TEKT1: variants seen among roughly 807,000 people sequenced by gnomAD.
TEKT1 encodes tektin 1.
Under a neutral mutation model 34.8 loss-of-function variants are expected in TEKT1, and 32 were observed. The ratio of observed to expected loss-of-function variants is 0.92; its 90% CI spans 0.69 to 1.23. The LOEUF is 1.23. TEKT1 is among the 50% of genes most tolerant of loss of function. The pLI is 0.00. For synonymous variants in TEKT1, 207 were observed against 199.8 expected (o/e 1.04, Z -0.30); for missense variants, 492 against 518.5 (o/e 0.95, Z 0.50).
chr17:6,827,877 A>G (rs1024813134), intron 2 of TEKT1, among the ~76,000 whole-genome samples: 23 of 151,752 alleles, frequency 1.5e-4, no homozygotes, highest in Non-Finnish European at 1.5e-5. Context: ...GATTCCATGA[A>G]TCAATGAAGG....
rs752373811 is a variant in TEKT1, at chr17:6,815,247, A to C, written c.545T>G (p.Leu182Arg). 1 of 1,614,242 alleles carries C rather than the reference A, an allele frequency of 6.2e-7. No homozygotes were observed. Among genetic ancestry groups the C allele is most frequent in the Non-Finnish European group, 8.5e-7 (1 of 1,180,040 alleles). The change falls in exon 5 of 8, where the codon CTG becomes CGG. Residue 182 changes from leucine to arginine, a missense_variant. Transcript: ENST00000338694. The stretch of plus-strand genomic sequence containing the variant: ...CGAGAAGCAGATATCATCTATGGTC[A>C]GGGCCACAAACTTGTCCTTCAAATC... ...EKDLKDKFVA[L>R]TIDDICFSLN...
chr17:6,823,740 C>T (rs569891816), intron 2 of TEKT1, among the ~76,000 whole-genome samples: 1 of 151,394 alleles, frequency 6.6e-6, no homozygotes, highest in Admixed American at 6.6e-5. Context: ...TTTATTTTGG[C>T]TCAGCTCTCA....
chr17:6,824,074 G>A (rs771101103), intron 2 of TEKT1, among the ~76,000 whole-genome samples: 3 of 151,840 alleles, frequency 2.0e-5, no homozygotes, highest in Admixed American at 6.6e-5. Flanking sequence ...TGCCCACATC[G>A]GCCTCCCAAA....
chr17:6,813,946 T>TTCCCTCTCTCTCTCTC lies in TEKT1; in HGVS notation c.630-894_630-893insGAGAGAGAGAGAGGGA, dbSNP rs146111910. ...AAAAGACTGTGGCTTCTGTCATCCG[T>TTCCCTCTCTCTCTCTC]TCTCTCTCTCTCTCTCTCTCTCTCT... is the stretch of plus-strand genomic sequence containing the variant. On this transcript the variant is annotated intron_variant, in intron 5 of 7. Transcript: ENST00000338694. Among the ~76,000 whole-genome samples the TTCCCTCTCTCTCTCTC allele has an allele frequency of 5.5e-5, 8 of 145,852 alleles. No homozygotes were observed. In the South Asian group the frequency reaches 1.8e-3, roughly 33 times the overall value.
At chr17:6,800,357 C>T in intron 7 of TEKT1, 123 bp from the exon 8 acceptor site, 1 of 745,534 alleles carries the variant, frequency 1.3e-6, no homozygotes, top group South Asian at 1.9e-5. Context: ...CCCTTCCTCT[C>T]TCCTCATGAA....
At chr17:6,829,451 T>C (rs142365964) in intron 2 of TEKT1, among the ~76,000 whole-genome samples, 1 of 152,052 alleles carries the variant, frequency 6.6e-6, no homozygotes, top group African/African-American at 2.4e-5. Flanking sequence ...ACTTTCCTTT[T>C]CTCTTTCTTT....
chr17:6,825,918 G>A (rs1280253030), intron 2 of TEKT1, among the ~76,000 whole-genome samples: 1 of 152,182 alleles, frequency 6.6e-6, no homozygotes, highest in Non-Finnish European at 1.5e-5. Flanking sequence ...GGCCATTGCA[G>A]CATATATCTT....
chr17:6,815,856 C>G lies in TEKT1; in HGVS notation c.463G>C (p.Glu155Gln), dbSNP rs1368160179. The change falls in exon 4 of 8, where the codon GAG (glutamate) becomes CAG (glutamine). Residue 155 changes from glutamate (E) to glutamine (Q), a missense_variant. Coordinates refer to ENST00000338694, the MANE Select transcript of TEKT1 (RefSeq NM_053285.2). ...GIMALLTRTL[E>Q]EASEQIRMNR... ...TACCGAATCTGCTCGGAAGCCTCCT[C>G]CAAGGTACGGGTCAGCAGAGCCATA... is the stretch of plus-strand genomic sequence containing the variant. 6.2e-7 allele frequency: 1 copy of G among 1,614,224 alleles called. No individual in the cohort carries two copies. Among genetic ancestry groups the G allele is most frequent in the South Asian group, 1.1e-5 (1 of 91,080 alleles).
chr17:6,830,263 G>C lies in TEKT1; in HGVS notation c.114C>G (p.Val38=). Residue 38 remains valine, a synonymous_variant, in exon 2 of 8, where the codon GTC becomes GTG. Transcript: ENST00000338694. ...CATCCACAAGCCTCTGGCTTTCTGC[G>C]ACCAGGCGTTCTGATCGGGACCTTT... ...DAQRSRSERL[V]AESQRLVDEI... 6.2e-7 allele frequency: 1 copy of C among 1,613,072 alleles called. No homozygotes were observed.
At chr17:6,805,690 G>C (rs1976834237) in intron 6 of TEKT1, among the ~76,000 whole-genome samples, 1 of 152,170 alleles carries the variant, frequency 6.6e-6, no homozygotes, top group African/African-American at 2.4e-5. Context: ...TGGTTTCAAA[G>C]AACATCTTTA....
intron 6 of TEKT1, among the ~76,000 whole-genome samples, chr17:6,807,006 T>C (rs1166099660): frequency 6.6e-6 from 1 of 152,208 alleles, no homozygotes; most frequent in Non-Finnish European, 1.5e-5. Context: ...TGAATTTGAA[T>C]GTTGGCCTGC....
intron 7 of TEKT1, among the ~76,000 whole-genome samples, chr17:6,800,485 T>C (rs2151580450): frequency 6.6e-6 from 1 of 152,390 alleles, no homozygotes; most frequent in Non-Finnish European, 1.5e-5. Flanking sequence ...AGACACCTTA[T>C]GAAATGCTGA....
chr17:6,809,580 A>G (rs190366432), intron 6 of TEKT1, among the ~76,000 whole-genome samples: 122 of 152,276 alleles, frequency 8.0e-4, no homozygotes, highest in African/African-American at 2.9e-3. Flanking sequence ...CCACTTTACA[A>G]TATCATACAG....
intron 6 of TEKT1, among the ~76,000 whole-genome samples, chr17:6,804,592 T>C (rs1597785295): frequency 6.6e-6 from 1 of 152,202 alleles, no homozygotes; most frequent in South Asian, 2.1e-4. Flanking sequence ...ATATTGGCTG[T>C]GGGTTTCTTA....
At chr17:6,804,200 G>A (rs1976815606) in intron 6 of TEKT1, among the ~76,000 whole-genome samples, 1 of 152,000 alleles carries the variant, frequency 6.6e-6, no homozygotes, top group South Asian at 2.1e-4. Flanking sequence ...GGATTCCTAG[G>A]TATTTTATTC....
intron 2 of TEKT1, among the ~76,000 whole-genome samples, chr17:6,819,716 C>A (rs2151589405): frequency 6.6e-6 from 1 of 152,332 alleles, no homozygotes; most frequent in South Asian, 2.1e-4. Context: ...GAGACGGAGT[C>A]TCACTGTGTC....
At position 6,799,850 on chromosome 17, in the gene TEKT1, A is replaced by T; in HGVS notation, c.*177T>A. 1 of 566,734 alleles carries T rather than the reference A, an allele frequency of 1.8e-6. No homozygotes were observed. Among genetic ancestry groups the T allele is most frequent in the Non-Finnish European group, 3.0e-6 (1 of 331,190 alleles). The allele number at this position is 566,734 out of a possible 1,614,324, so 35.1% of individuals were successfully genotyped here. A position where few individuals can be genotyped will look rare whatever the true frequency, so the allele number is the denominator to read the frequency against. ...GGAGTTGAATTGTTAGGCAAACACC[A>T]CACCAGCATAAGAGAAGAAACTCGC... On this transcript the variant is annotated 3_prime_UTR_variant, in exon 8 of 8. Transcript: ENST00000338694.
intron 5 of TEKT1, among the ~76,000 whole-genome samples, chr17:6,813,296 T>C (rs961141262): frequency 6.6e-6 from 1 of 152,160 alleles, no homozygotes; most frequent in African/African-American, 2.4e-5. Context: ...CCAAGTGAGC[T>C]AACTTTTCTA....
intron 6 of TEKT1, among the ~76,000 whole-genome samples, chr17:6,803,332 G>T (rs1240527170): frequency 2.0e-5 from 3 of 151,598 alleles, no homozygotes; most frequent in East Asian, 1.9e-4. Context: ...TAAATTTGTT[G>T]GAGTTCATTC....
Sources: allele counts gnomAD v4.1 joint callset (sites outside exome capture counted in the v4.1 genomes callset), GRCh38; gene constraint gnomAD v4.1.1; transcripts MANE v1.5; gene names NCBI Gene and HGNC (gene_info 2026-07-23, HGNC 2026-07-21).